LARP1B: variants seen among roughly 807,000 people sequenced by gnomAD.
The protein encoded by LARP1B is La ribonucleoprotein 1B, also known as la-related protein 1B.
A neutral mutation model predicts 114.2 loss-of-function variants in LARP1B; 76 were observed. The ratio of observed to expected loss-of-function variants is 0.67; its 90% CI spans 0.55 to 0.81. The LOEUF (loss-of-function observed/expected upper bound fraction) is 0.81, where lower values mean the gene tolerates loss of function less well. Ranked by LOEUF, LARP1B falls within the 30% of genes least tolerant of loss-of-function variation. LARP1B has a pLI of 0.00. For missense variants in LARP1B, 1,014 were observed against 1,075.8 expected (o/e 0.94, Z 0.80); for synonymous variants, 345 against 348.0 (o/e 0.99, Z 0.10).
intron 8 of LARP1B, among the ~76,000 whole-genome samples, chr4:128,102,665 C>G (rs544131498): frequency 1.3e-5 from 2 of 152,128 alleles, no homozygotes; most frequent in Admixed American, 6.6e-5. Flanking sequence ...TCGATGTCTT[C>G]CCCATAATTG....
At chr4:128,104,966 T>A (rs1297413028) in intron 8 of LARP1B, among the ~76,000 whole-genome samples, 4 of 152,208 alleles carry the variant, frequency 2.6e-5, no homozygotes, top group Admixed American at 2.0e-4. Flanking sequence ...ACCACCACTA[T>A]TGGGAGTTTG....
intron 17 of LARP1B, 109 bp downstream of exon 17, chr4:128,200,774 A>T: frequency 1.4e-6 from 1 of 705,202 alleles, no homozygotes; most frequent in East Asian, 3.0e-5. Flanking sequence ...AATTTTTAAA[A>T]CTAGTACTGA....
At chr4:128,122,237 T>C in intron 11 of LARP1B, 49 bp downstream of exon 11, 1 of 1,587,720 alleles carries the variant, frequency 6.3e-7, no homozygotes, top group Non-Finnish European at 8.6e-7. Flanking sequence ...GTTTTGATTG[T>C]ATGTTGCTGT....
At position 128,061,651 on chromosome 4, in the gene LARP1B, G is replaced by A. The variant is rs1579550891; in HGVS notation, c.-78+250G>A. On this transcript the variant is annotated intron_variant, in intron 1 of 19. Transcript: ENST00000326639. The stretch of plus-strand genomic sequence containing the variant: ...GAGAGACGGGCAGTCGGGTTCCCTG[G>A]CCTCGGGGCCACCCCGGCTGGGGCG... 3.1e-6 allele frequency: 3 copies of A among 983,068 alleles called. No homozygotes were observed. The East Asian group carries it at 3.4e-4, about 112-fold the overall frequency. The allele number at this position is 983,068 out of a possible 1,614,324, so 60.9% of individuals were successfully genotyped here. A position where few individuals can be genotyped will look rare whatever the true frequency, so the allele number is the denominator to read the frequency against.
intron 8 of LARP1B, among the ~76,000 whole-genome samples, chr4:128,102,427 C>T (rs376205881): frequency 1.3e-5 from 2 of 152,278 alleles, no homozygotes; most frequent in African/African-American, 2.4e-5. Context: ...TAGTCTTAAA[C>T]GATGTCGTTC....
intron 11 of LARP1B, among the ~76,000 whole-genome samples, chr4:128,156,914 A>G (rs1736025098): frequency 6.6e-6 from 1 of 151,788 alleles, no homozygotes; most frequent in African/African-American, 2.4e-5. Flanking sequence ...AACCTAGAGA[A>G]ATAAGGCTGG....
At chr4:128,114,501 A>C (rs1785146959) in intron 9 of LARP1B, 69 bp from the exon 10 acceptor site, 6 of 1,170,478 alleles carry the variant, frequency 5.1e-6, no homozygotes, top group Admixed American at 2.2e-5. Flanking sequence ...TTAAGGAAAA[A>C]ATGAAGTGTA....
At chr4:128,098,769 T>TATATATATATATATGTA (rs1561201033) in intron 8 of LARP1B, among the ~76,000 whole-genome samples, 2 of 14,432 alleles carry the variant, frequency 1.4e-4, no homozygotes, top group African/African-American at 5.4e-4. Flanking sequence ...ATATATATAT[T>TATATATATATATATGTA]TTTTTTTTTT....
chr4:128,161,706 T>C (rs976597583), intron 11 of LARP1B, among the ~76,000 whole-genome samples: 1 of 152,158 alleles, frequency 6.6e-6, no homozygotes, highest in African/African-American at 2.4e-5. Flanking sequence ...CTCTAAATTC[T>C]CATCCTTCAA....
chr4:128,222,018 G>GT (rs1760075875), intron 7 of LARP1B, among the ~76,000 whole-genome samples: 1 of 152,162 alleles, frequency 6.6e-6, no homozygotes, highest in Non-Finnish European at 1.5e-5. Context: ...GTATTGCAAG[G>GT]TATTTTCTCC....
At chr4:128,061,676 G>C (rs1376976711) in intron 1 of LARP1B, 2 of 984,658 alleles carry the variant, frequency 2.0e-6, no homozygotes, top group Non-Finnish European at 2.4e-6. Context: ...CGGCTGGGGC[G>C]GCTGGGGCAG....
intron 9 of LARP1B, among the ~76,000 whole-genome samples, chr4:128,112,356 G>T (rs925300300): frequency 3.3e-5 from 5 of 151,582 alleles, no homozygotes; most frequent in African/African-American, 4.8e-5. Flanking sequence ...GCGGGGTTGG[G>T]AGTACCTGGT....
At position 128,122,176 on chromosome 4, in the gene LARP1B, C is replaced by T; in HGVS notation, c.1512C>T (p.His504=). 1 of 1,613,862 alleles carries T rather than the reference C, an allele frequency of 6.2e-7. No homozygotes were observed. The highest frequency in any genetic ancestry group is 8.5e-7 in the Non-Finnish European group (1 of 1,179,828). ...DLWMEEDENK[H]TAIKQEVENF... is the part of the protein sequence containing the mutation. Reference sequence around the variant, plus strand: ...GGATGGAAGAAGATGAAAACAAACACACAGCCATAAAGGTAATTGTTTCTG... The same window carrying T: ...GGATGGAAGAAGATGAAAACAAACATACAGCCATAAAGGTAATTGTTTCTG... Residue 504 remains histidine (H), a synonymous_variant, in exon 11 of 20, where the codon CAC becomes CAT. Coordinates refer to ENST00000326639, the MANE Select transcript of LARP1B (RefSeq NM_018078.4).
Position 128,207,339 on chromosome 4 carries a change from G to C in LARP1B, c.2503G>C (p.Glu835Gln). The change falls in exon 19 of 20, where the codon GAA (glutamate) becomes CAA (glutamine). Residue 835 changes from glutamate (E) to glutamine (Q), a missense_variant. Transcript: ENST00000326639. ...KTQSIDPKLQEYLCSFKRLED... is the reference protein window; with the variant it reads ...KTQSIDPKLQQYLCSFKRLED... Reference sequence around the variant, plus strand: ...ACAGTCTATTGACCCAAAACTTCAGGAATACCTCTGTAGTTTTAAGAGGTT... The same window carrying C: ...ACAGTCTATTGACCCAAAACTTCAGCAATACCTCTGTAGTTTTAAGAGGTT... 1 of 1,555,560 alleles carries C rather than the reference G, an allele frequency of 6.4e-7. No individual in the cohort carries two copies. The highest frequency in any genetic ancestry group is 8.7e-7 in the Non-Finnish European group (1 of 1,150,680).
chr4:128,091,208 C>T lies in LARP1B; in HGVS notation c.502+64C>T, dbSNP rs1451180001. 11 of 1,574,432 alleles carry T rather than the reference C, an allele frequency of 7.0e-6. No homozygotes were observed. The African/African-American group carries it at 1.5e-4, about 22-fold the overall frequency. The stretch of plus-strand genomic sequence containing the variant: ...TTGAAAAAAATAGAGCAACTATCCT[C>T]TATTATGTTTTAACTAATTTTCTTT... On this transcript the variant is annotated intron_variant, in intron 6 of 19. Transcript: ENST00000326639.
intron 1 of LARP1B, among the ~76,000 whole-genome samples, chr4:128,068,184 A>AT (rs1246628623): frequency 6.6e-6 from 1 of 151,760 alleles, no homozygotes; most frequent in African/African-American, 2.4e-5. Context: ...CCGGCCAATA[A>AT]TTTTTGTATA....
intron 11 of LARP1B, among the ~76,000 whole-genome samples, chr4:128,134,310 A>G (rs1792560663): frequency 6.6e-6 from 1 of 152,046 alleles, no homozygotes; most frequent in Admixed American, 6.6e-5. Flanking sequence ...TGGGTAAATG[A>G]TTTTTTTGAC....
At chr4:128,171,208 A>G (rs1743544960) in intron 12 of LARP1B, among the ~76,000 whole-genome samples, 1 of 151,828 alleles carries the variant, frequency 6.6e-6, no homozygotes, top group Non-Finnish European at 1.5e-5. Flanking sequence ...GGCTCACTGC[A>G]GCCTCATACT....
At chr4:128,110,485 A>T (rs1032538296) in intron 9 of LARP1B, among the ~76,000 whole-genome samples, 1 of 149,282 alleles carries the variant, frequency 6.7e-6, no homozygotes. Flanking sequence ...CATCCCGGCT[A>T]AAAAAAACGG....
Sources: allele counts gnomAD v4.1 joint callset (sites outside exome capture counted in the v4.1 genomes callset), GRCh38; gene constraint gnomAD v4.1.1; transcripts MANE v1.5; gene names NCBI Gene and HGNC (gene_info 2026-07-23, HGNC 2026-07-21).